The following SCLT1 variants were observed in gnomAD, a reference collection of about 807,000 sequenced individuals.
SCLT1 encodes sodium channel-associated protein 1.
Under a neutral mutation model 112.8 loss-of-function variants are expected in SCLT1, and 78 were observed. The observed-to-expected ratio is 0.69, with a 90% CI of 0.58 to 0.83. The LOEUF is 0.83. SCLT1 is among the 40% of genes least tolerant of loss of function. SCLT1 has a pLI of 0.00. For missense variants in SCLT1, 747 were observed against 770.4 expected, an observed-to-expected ratio of 0.97 and a Z score of 0.36; for synonymous variants, 257 against 254.7, an observed-to-expected ratio of 1.01 and a Z score of -0.09.
intron 5 of SCLT1, among the ~76,000 whole-genome samples, chr4:129,032,933 C>A (rs545469069): frequency 6.6e-6 from 1 of 152,128 alleles, no homozygotes. Flanking sequence ...GGCAATTCCT[C>A]AAGGATCTAG....
chr4:128,900,021 A>G (rs1734134957), intron 18 of SCLT1, among the ~76,000 whole-genome samples: 1 of 152,218 alleles, frequency 6.6e-6, no homozygotes, highest in Non-Finnish European at 1.5e-5. Context: ...CAAGGAAATA[A>G]AAGAGGATAC....
At chr4:129,054,206 T>C (rs1749130480) in intron 2 of SCLT1, among the ~76,000 whole-genome samples, 1 of 152,298 alleles carries the variant, frequency 6.6e-6, no homozygotes, top group African/African-American at 2.4e-5. Flanking sequence ...TCAACCTTGA[T>C]GAATCTGATG....
chr4:129,079,734 G>A (rs995921970), intron 2 of SCLT1, among the ~76,000 whole-genome samples: 31 of 152,256 alleles, frequency 2.0e-4, no homozygotes, highest in African/African-American at 7.2e-4. Flanking sequence ...AGTGTCCAGT[G>A]TGGATTCTGT....
At chr4:128,914,555 G>A (rs17013921) in intron 18 of SCLT1, among the ~76,000 whole-genome samples, 2,499 of 152,224 alleles carry the variant, frequency 0.016, 56 homozygotes, top group African/African-American at 0.051. Flanking sequence ...GTTTGTAAGA[G>A]AGGTCAGAGA....
chr4:129,022,903 C>T, intron 5 of SCLT1, among the ~76,000 whole-genome samples: 1 of 152,152 alleles, frequency 6.6e-6, no homozygotes. Context: ...AGAGAAAGGT[C>T]AGGTTACCTA....
At chr4:129,054,650 G>C (rs920881414) in intron 2 of SCLT1, among the ~76,000 whole-genome samples, 1 of 152,014 alleles carries the variant, frequency 6.6e-6, no homozygotes, top group African/African-American at 2.4e-5. Context: ...AGCAGCTCCT[G>C]TAACCTTTTT....
intron 5 of SCLT1, 87 bp from the exon 6 acceptor site, chr4:129,003,963 A>G (rs78407212): frequency 8.5e-7 from 1 of 1,171,996 alleles, no homozygotes; most frequent in Non-Finnish European, 1.2e-6. Context: ...ATTTGGGTCA[A>G]CAATAACTCT....
intron 18 of SCLT1, among the ~76,000 whole-genome samples, chr4:128,894,884 G>A (rs1158037122): frequency 6.6e-6 from 1 of 151,992 alleles, no homozygotes; most frequent in Non-Finnish European, 1.5e-5. Context: ...CACCATGTTG[G>A]CCAGGCTGGT....
intron 18 of SCLT1, among the ~76,000 whole-genome samples, chr4:128,907,336 T>C (rs2125942055): frequency 6.6e-6 from 1 of 152,284 alleles, no homozygotes; most frequent in South Asian, 2.1e-4. Flanking sequence ...TAGAGTGTTA[T>C]TGCAGTAATC....
At chr4:128,897,279 T>C (rs1156638430) in intron 18 of SCLT1, among the ~76,000 whole-genome samples, 1 of 152,014 alleles carries the variant, frequency 6.6e-6, no homozygotes, top group Non-Finnish European at 1.5e-5. Flanking sequence ...GAGAGAAAGA[T>C]CGGGTTACCC....
rs34829683 is a variant in SCLT1, at chr4:128,960,998, ATT to A, written c.870-1223_870-1222del. Among the ~76,000 whole-genome samples the A allele has an allele frequency of 2.1e-4, 31 of 146,258 alleles. No individual in the cohort carries two copies. In the South Asian group the frequency reaches 3.6e-3, roughly 17 times the overall value. On this transcript the variant is annotated intron_variant, in intron 11 of 20. Transcript: ENST00000281142. ...CCTTAGTCTGTCCTTTATGCTGCAA[ATT>A]TTTTTTTTTCCAAATCTACTTTTTT...
chr4:128,953,047 C>T (rs1417056580), intron 13 of SCLT1, among the ~76,000 whole-genome samples: 4 of 151,758 alleles, frequency 2.6e-5, no homozygotes, highest in East Asian at 1.9e-4. Flanking sequence ...CCAAAAGGAC[C>T]GTGGTTGTCA....
intron 2 of SCLT1, among the ~76,000 whole-genome samples, chr4:129,048,791 CAAAT>C (rs1246015209): frequency 4.0e-5 from 6 of 151,638 alleles, no homozygotes; most frequent in South Asian, 4.2e-4. Context: ...AAGAAAAAAA[CAAAT>C]AACCCCATCA....
intron 18 of SCLT1, among the ~76,000 whole-genome samples, chr4:128,923,692 TG>T (rs1422740148): frequency 6.6e-6 from 1 of 152,104 alleles, no homozygotes; most frequent in East Asian, 1.9e-4. Context: ...AGTGTATCAG[TG>T]GTTTGTTCCT....
chr4:128,967,629 C>T (rs1740322201), intron 10 of SCLT1, among the ~76,000 whole-genome samples: 1 of 152,172 alleles, frequency 6.6e-6, no homozygotes, highest in East Asian at 1.9e-4. Flanking sequence ...TTTTCATTTG[C>T]TTGTTGGCCA....
chr4:129,056,848 C>T (rs1444431635), intron 2 of SCLT1, among the ~76,000 whole-genome samples: 1 of 152,156 alleles, frequency 6.6e-6, no homozygotes, highest in Non-Finnish European at 1.5e-5. Flanking sequence ...AGTGCTCTAG[C>T]TAGGACTCCC....
chr4:128,902,028 C>T (rs533014128), intron 18 of SCLT1, among the ~76,000 whole-genome samples: 2 of 152,022 alleles, frequency 1.3e-5, no homozygotes, highest in Admixed American at 6.6e-5. Context: ...GTGATCCTCC[C>T]ACCTCAGCCT....
intron 18 of SCLT1, among the ~76,000 whole-genome samples, chr4:128,909,153 T>C (rs945072324): frequency 2.6e-5 from 4 of 152,246 alleles, no homozygotes; most frequent in African/African-American, 9.6e-5. Context: ...ATCCTTTTTA[T>C]CATTATATCT....
chr4:128,955,493 C>T (rs1299808667), intron 13 of SCLT1, among the ~76,000 whole-genome samples: 1 of 152,094 alleles, frequency 6.6e-6, no homozygotes, highest in African/African-American at 2.4e-5. Context: ...TAAGCCACGT[C>T]ATATTTTTGT....
Sources: allele counts gnomAD v4.1 joint callset (sites outside exome capture counted in the v4.1 genomes callset), GRCh38; gene constraint gnomAD v4.1.1; transcripts MANE v1.5; gene names NCBI Gene and HGNC (gene_info 2026-07-23, HGNC 2026-07-21).